Variants in RAB11FIP4 observed in about 807,000 individuals in gnomAD.
RAB11FIP4 encodes RAB11 family interacting protein 4, also known as rab11 family-interacting protein 4.
In RAB11FIP4, 23 loss-of-function variants were observed where a neutral mutation model predicts 74.3. The ratio of observed to expected loss-of-function variants is 0.31; its 90% CI spans 0.22 to 0.44. The LOEUF (loss-of-function observed/expected upper bound fraction) is 0.44, where lower values mean the gene tolerates loss of function less well. Among genes scored for constraint, RAB11FIP4 ranks in the 20% least tolerant of loss-of-function variants. RAB11FIP4 has a pLI of 1.00. For missense variants in RAB11FIP4, 630 were observed against 863.9 expected (o/e 0.73, Z 3.39); for synonymous variants, 360 against 359.9 (o/e 1.00, Z 0.00).
intron 3 of RAB11FIP4, among the ~76,000 whole-genome samples, chr17:31,465,052 C>A (rs1023129071): frequency 1.3e-5 from 2 of 152,134 alleles, no homozygotes; most frequent in Non-Finnish European, 2.9e-5. Context: ...AGCTACAGTG[C>A]CTGGCCTGGA....
At position 31,528,622 on chromosome 17, in the gene RAB11FIP4, C is replaced by G. The variant is rs375256786; in HGVS notation, c.1497C>G (p.Leu499=). The change falls in exon 13 of 15, where the codon CTC becomes CTG. Residue 499 remains leucine (L), a splice_region_variant and synonymous_variant. Transcript: ENST00000621161. The part of the protein sequence containing the change: ...FQKEREATQE[L]IEDLRKELEH... ...CAACCTGCTTCTCTCCCTCGCAGCT[C>G]ATCGAGGACTTGCGGAAGGAGCTGG... 6.2e-7 allele frequency: 1 copy of G among 1,613,564 alleles called. No homozygotes were observed. The highest frequency in any genetic ancestry group is 2.2e-5 in the East Asian group (1 of 44,878).
intron 3 of RAB11FIP4, among the ~76,000 whole-genome samples, chr17:31,442,119 C>A (rs1259721237): frequency 6.6e-6 from 1 of 151,718 alleles, no homozygotes; most frequent in African/African-American, 2.4e-5. Flanking sequence ...CTGCCTCAGC[C>A]TCCCAAGTAG....
chr17:31,406,238 C>A (rs2071040470), intron 1 of RAB11FIP4, among the ~76,000 whole-genome samples: 1 of 152,234 alleles, frequency 6.6e-6, no homozygotes, highest in South Asian at 2.1e-4. Flanking sequence ...CTGCACCTCC[C>A]TCAGTACCAC....
chr17:31,465,790 GC>G (rs1311364538), intron 3 of RAB11FIP4: 4 of 150,180 alleles, frequency 2.7e-5, no homozygotes, highest in Non-Finnish European at 4.5e-5. Flanking sequence ...CCTACCAGTG[GC>G]CACTGCACTC....
Position 31,537,491 on chromosome 17 carries a change from T to G in RAB11FIP4, c.*5759T>G, listed in dbSNP as rs2072985325. 2 of 316,400 alleles carry G rather than the reference T, an allele frequency of 6.3e-6. No homozygotes were observed. The highest frequency in any genetic ancestry group is 1.2e-5 in the Non-Finnish European group (2 of 173,136). 19.6% of individuals were successfully genotyped at this position (316,400 alleles called of 1,614,324 possible). ...GTAAAGCAGCTTCTCCCACAGAGCT[T>G]TCCCTGCATTGTTAGTGATGTCGGG... On this transcript the variant is annotated 3_prime_UTR_variant, in exon 15 of 15. Transcript: ENST00000621161.
chr17:31,426,256 C>T (rs2071248533), intron 1 of RAB11FIP4, among the ~76,000 whole-genome samples: 2 of 152,074 alleles, frequency 1.3e-5, no homozygotes, highest in South Asian at 2.1e-4. Context: ...GTTGCCACTA[C>T]AGGTGGGCAA....
chr17:31,527,908 A>G lies in RAB11FIP4; in HGVS notation c.1341A>G (p.Thr447=). ...RTTVTRLKSQ[T]EKLDEERQRM... ...CAGTGACTCGGCTCAAGTCTCAAAC[A>G]GAGAAACTGGATGAGGTGAGCAGCA... Residue 447 remains threonine, a synonymous_variant, in exon 11 of 15, where the codon ACA becomes ACG. Coordinates refer to ENST00000621161, the MANE Select transcript of RAB11FIP4 (RefSeq NM_032932.6). 2 of 1,600,376 alleles carry G rather than the reference A, an allele frequency of 1.2e-6. No homozygotes were observed. Among genetic ancestry groups the G allele is most frequent in the Non-Finnish European group, 1.7e-6 (2 of 1,173,712 alleles).
At chr17:31,501,806 C>T in intron 3 of RAB11FIP4, 1 of 182,032 alleles carries the variant, frequency 5.5e-6, no homozygotes, top group South Asian at 8.1e-5. Flanking sequence ...CCGCACCCAG[C>T]CCATCCCACG....
Position 31,448,687 on chromosome 17 carries a change from C to A in RAB11FIP4, c.336+14565C>A, listed in dbSNP as rs2071494029. The stretch of plus-strand genomic sequence containing the variant: ...GGAATGATGTAATTTTGCCTCCTCT[C>A]AAGGCTGGCCTCAAGGAGGCCTGAT... On this transcript the variant is annotated intron_variant, in intron 3 of 14. Transcript: ENST00000621161. 3.3e-5 allele frequency among the ~76,000 whole-genome samples: 5 copies of A among 152,072 alleles called. 1 individual carries two copies. The South Asian group carries it at 1.0e-3, about 32-fold the overall frequency.
chr17:31,401,929 C>A (rs1056586946), intron 1 of RAB11FIP4, among the ~76,000 whole-genome samples: 3 of 152,154 alleles, frequency 2.0e-5, no homozygotes, highest in Admixed American at 6.5e-5. Context: ...CCTAGAGTTC[C>A]ATCTGCTCAC....
chr17:31,500,972 G>A (rs1400749533), intron 3 of RAB11FIP4, among the ~76,000 whole-genome samples: 3 of 151,428 alleles, frequency 2.0e-5, no homozygotes, highest in African/African-American at 4.9e-5. Context: ...GCAATGAGCC[G>A]AGATCGTGCC....
intron 3 of RAB11FIP4, among the ~76,000 whole-genome samples, chr17:31,482,306 T>C (rs1002056473): frequency 5.3e-5 from 8 of 151,656 alleles, no homozygotes; most frequent in Non-Finnish European, 7.4e-5. Context: ...AAATAAAAAA[T>C]TGGGGGCCAG....
intron 3 of RAB11FIP4, among the ~76,000 whole-genome samples, chr17:31,469,649 A>C (rs1272341560): frequency 6.6e-6 from 1 of 151,372 alleles, no homozygotes; most frequent in African/African-American, 2.4e-5. Context: ...AAAAAAAAAA[A>C]AGCGAGACTA....
Position 31,427,153 on chromosome 17 carries a change from G to A in RAB11FIP4, c.160-4660G>A, listed in dbSNP as rs540282801. 5.3e-5 allele frequency among the ~76,000 whole-genome samples: 8 copies of A among 152,236 alleles called. No homozygotes were observed. In the South Asian group the frequency reaches 1.7e-3, roughly 32 times the overall value. On this transcript the variant is annotated intron_variant, in intron 1 of 14. Coordinates refer to ENST00000621161, the MANE Select transcript of RAB11FIP4 (RefSeq NM_032932.6). ...TTTTGTATTTTTAGTAGAGACAGGG[G>A]TTTCTCTATGTTGGCCAGGCTGGTC...
intron 3 of RAB11FIP4, among the ~76,000 whole-genome samples, chr17:31,452,932 G>A (rs1330325144): frequency 3.3e-5 from 5 of 152,192 alleles, no homozygotes; most frequent in Non-Finnish European, 7.3e-5. Context: ...CATTGCCCTA[G>A]TGTGGGATGG....
chr17:31,462,271 A>T (rs1342426176), intron 3 of RAB11FIP4, among the ~76,000 whole-genome samples: 2 of 137,162 alleles, frequency 1.5e-5, no homozygotes, highest in African/African-American at 7.4e-5. Context: ...ATCTCAAAAA[A>T]AACAAAAAAC....
At chr17:31,520,499 G>T (rs930364472) in intron 4 of RAB11FIP4, among the ~76,000 whole-genome samples, 2 of 151,890 alleles carry the variant, frequency 1.3e-5, no homozygotes, top group Admixed American at 1.3e-4. Flanking sequence ...ATGTTTTTTT[G>T]TTTGTTTTTT....
intron 1 of RAB11FIP4, among the ~76,000 whole-genome samples, chr17:31,411,510 G>C (rs2071095554): frequency 6.6e-6 from 1 of 152,260 alleles, no homozygotes; most frequent in East Asian, 1.9e-4. Flanking sequence ...GGGCTCGCAT[G>C]AGGATAAACC....
chr17:31,436,168 C>T (rs1200338381), intron 3 of RAB11FIP4, among the ~76,000 whole-genome samples: 2 of 152,134 alleles, frequency 1.3e-5, no homozygotes, highest in Non-Finnish European at 2.9e-5. Context: ...AACCTGAGCA[C>T]GTTCTTCTCA....
Sources: allele counts gnomAD v4.1 joint callset (sites outside exome capture counted in the v4.1 genomes callset), GRCh38; gene constraint gnomAD v4.1.1; transcripts MANE v1.5; gene names NCBI Gene and HGNC (gene_info 2026-07-23, HGNC 2026-07-21).